The following ADGRL2 variants were observed in gnomAD, a reference collection of about 807,000 sequenced individuals.
ADGRL2 encodes calcium-independent alpha-latrotoxin receptor 2.
Under a neutral mutation model 157.4 loss-of-function variants are expected in ADGRL2, and 44 were observed. That is an observed-to-expected ratio of 0.28 (90% CI 0.22 to 0.36). The LOEUF (loss-of-function observed/expected upper bound fraction) is 0.36. Among genes scored for constraint, ADGRL2 ranks in the 10% least tolerant of loss-of-function variants. The probability of loss-of-function intolerance (pLI) is 1.00; values close to 1 mark genes in which losing one functional copy is unlikely to be tolerated. For synonymous variants in ADGRL2, 585 were observed against 624.7 expected, an observed-to-expected ratio of 0.94 and a Z score of 0.95; for missense variants, 1,510 against 1,768.9, an observed-to-expected ratio of 0.85 and a Z score of 2.63.
At chr1:81,767,269 G>T (rs2086165614) in intron 2 of ADGRL2, among the ~76,000 whole-genome samples, 3 of 151,752 alleles carry the variant, frequency 2.0e-5, no homozygotes, top group Admixed American at 1.3e-4. Flanking sequence ...TCAGTTTTTT[G>T]TTTTTTTGTT....
At chr1:81,425,606 G>A (rs1431127279) in intron 1 of ADGRL2, among the ~76,000 whole-genome samples, 2 of 152,112 alleles carry the variant, frequency 1.3e-5, no homozygotes, top group African/African-American at 4.8e-5. Flanking sequence ...CAAGGGACAA[G>A]GAAAAAAATT....
chr1:81,457,493 G>A (rs955773866), intron 2 of ADGRL2, among the ~76,000 whole-genome samples: 8 of 151,866 alleles, frequency 5.3e-5, no homozygotes, highest in African/African-American at 1.7e-4. Context: ...CATTCTCAGA[G>A]AATTAAGTTT....
chr1:81,320,161 A>G (rs1380035793), intron 1 of ADGRL2, among the ~76,000 whole-genome samples: 1 of 152,236 alleles, frequency 6.6e-6, no homozygotes, highest in Admixed American at 6.5e-5. Flanking sequence ...ATCCATAAGA[A>G]GTAACTTCTC....
chr1:81,973,059 C>T (rs1659221091), intron 17 of ADGRL2, among the ~76,000 whole-genome samples: 1 of 151,760 alleles, frequency 6.6e-6, no homozygotes, highest in Non-Finnish European at 1.5e-5. Context: ...TCGTTTGGAT[C>T]TTTTCATGGT....
chr1:81,767,509 CA>C (rs1213083485), intron 2 of ADGRL2, among the ~76,000 whole-genome samples: 1 of 152,034 alleles, frequency 6.6e-6, no homozygotes, highest in Non-Finnish European at 1.5e-5. Flanking sequence ...GCCCCACAAA[CA>C]AAGAATTATC....
intron 1 of ADGRL2, among the ~76,000 whole-genome samples, chr1:81,318,928 C>CTTTTTTTTTTTTTTTTT (rs397980625): frequency 4.4e-5 from 2 of 45,794 alleles, no homozygotes; most frequent in African/African-American, 1.9e-4. Context: ...TCCATCAATT[C>CTTTTTTTTTTTTTTTTT]TTTTTTTTTT....
At chr1:81,545,339 T>C (rs181630056) in intron 2 of ADGRL2, among the ~76,000 whole-genome samples, 3 of 150,524 alleles carry the variant, frequency 2.0e-5, no homozygotes, top group African/African-American at 7.3e-5. Context: ...CAGGCTGGAG[T>C]GCAGCGATGT....
intron 3 of ADGRL2, among the ~76,000 whole-genome samples, chr1:81,614,698 A>G (rs1252150450): frequency 6.6e-6 from 1 of 152,106 alleles, no homozygotes; most frequent in African/African-American, 2.4e-5. Flanking sequence ...AACAAAAAGG[A>G]AGAGGTTGTC....
At chr1:81,764,181 G>T (rs2086020883) in intron 2 of ADGRL2, among the ~76,000 whole-genome samples, 1 of 103,912 alleles carries the variant, frequency 9.6e-6, no homozygotes, top group Non-Finnish European at 1.8e-5. Flanking sequence ...GACAGAGCGA[G>T]ACTCTGTCAA....
At chr1:81,615,238 T>C (rs1167446697) in intron 3 of ADGRL2, among the ~76,000 whole-genome samples, 1 of 152,152 alleles carries the variant, frequency 6.6e-6, no homozygotes, top group African/African-American at 2.4e-5. Context: ...ATCAGCACTC[T>C]GTAAAACGGA....
chr1:81,761,075 CAACAACAAA>C (rs1475864040), intron 1 of ADGRL2, among the ~76,000 whole-genome samples: 3 of 151,734 alleles, frequency 2.0e-5, no homozygotes, highest in African/African-American at 7.2e-5. Flanking sequence ...TTTTATTCTT[CAACAACAAA>C]AACAACAAAA....
At chr1:81,322,003 A>G (rs1181996691) in intron 1 of ADGRL2, among the ~76,000 whole-genome samples, 1 of 150,674 alleles carries the variant, frequency 6.6e-6, no homozygotes, top group African/African-American at 2.4e-5. Context: ...TTTAAAAAAC[A>G]AGTTTATTTA....
In ADGRL2 at chr1:81,520,988, A is replaced by T. The variant is rs147899997; in HGVS notation, c.-247-59888A>T. Among the ~76,000 whole-genome samples the T allele has an allele frequency of 4.7e-3, 721 of 152,352 alleles. 7 individuals are homozygous for T. The highest frequency in any genetic ancestry group is 0.016 in the African/African-American group (676 of 41,586). On this transcript the variant is annotated intron_variant, in intron 2 of 24. Transcript: ENST00000370721. ...AAAGGAGGAAGGAGCAAAGAAGAAC[A>T]TGTGCCCTAACTTTTAAAATAAGCC... is the stretch of plus-strand genomic sequence containing the variant.
At chr1:81,605,553 C>T (rs772697110) in intron 3 of ADGRL2, among the ~76,000 whole-genome samples, 6 of 152,188 alleles carry the variant, frequency 3.9e-5, no homozygotes, top group Non-Finnish European at 7.3e-5. Context: ...AGGTTTATTT[C>T]TTCATGGTAG....
intron 1 of ADGRL2, among the ~76,000 whole-genome samples, chr1:81,738,962 T>C (rs184537759): frequency 1.7e-3 from 265 of 152,354 alleles, no homozygotes; most frequent in Non-Finnish European, 3.0e-3. Context: ...TGCTTCTCTA[T>C]GCCTGCTACC....
At chr1:81,527,556 A>G (rs1205459232) in intron 2 of ADGRL2, among the ~76,000 whole-genome samples, 3 of 152,164 alleles carry the variant, frequency 2.0e-5, no homozygotes, top group Admixed American at 2.0e-4. Context: ...TACTAAAAAT[A>G]CAAAAATTAG....
chr1:81,600,231 C>G (rs1166057208), intron 3 of ADGRL2, among the ~76,000 whole-genome samples: 1 of 152,228 alleles, frequency 6.6e-6, no homozygotes, highest in Non-Finnish European at 1.5e-5. Flanking sequence ...TAAGTAAAGA[C>G]TGCCAGACCA....
chr1:81,596,134 T>G (rs2081228931), intron 3 of ADGRL2: 1 of 429,586 alleles, frequency 2.3e-6, no homozygotes, highest in Non-Finnish European at 4.4e-6. Flanking sequence ...GGTAATCAAT[T>G]TATTAAAATA....
chr1:81,763,001 G>A lies in ADGRL2; in HGVS notation c.-101+1149G>A, dbSNP rs2085944325. 2.2e-5 allele frequency among the ~76,000 whole-genome samples: 3 copies of A among 139,388 alleles called. No individual in the cohort carries two copies. The South Asian group carries it at 6.8e-4, about 32-fold the overall frequency. The allele number at this position is 139,388 out of a possible 152,430, so 91.4% of individuals were successfully genotyped here. ...CAGGAGGTGGAGCTTGCAGTGGGCC[G>A]AGTGCCACTGCACTCCAGTCTGGGT... On this transcript the variant is annotated intron_variant, in intron 2 of 20. Coordinates refer to the ADGRL2 transcript ENST00000359929.
Sources: allele counts gnomAD v4.1 joint callset (sites outside exome capture counted in the v4.1 genomes callset), GRCh38; gene constraint gnomAD v4.1.1; transcripts MANE v1.5; gene names NCBI Gene and HGNC (gene_info 2026-07-23, HGNC 2026-07-21).